AKAP7: variants seen among roughly 807,000 people sequenced by gnomAD.
AKAP7 encodes A kinase (PRKA) anchor protein 7.
A neutral mutation model predicts 39.5 loss-of-function variants in AKAP7; 39 were observed. The observed-to-expected ratio is 0.99, with a 90% CI of 0.76 to 1.29. AKAP7 has a LOEUF of 1.29. Ranked by LOEUF, AKAP7 falls within the 50% of genes most tolerant of loss-of-function variation. The pLI is 0.00. For synonymous variants in AKAP7, 140 were observed against 139.1 expected (o/e 1.01, Z -0.05); for missense variants, 414 against 407.7 (o/e 1.02, Z -0.13).
At chr6:131,198,889 TAC>T (rs1807232618) in intron 5 of AKAP7, among the ~76,000 whole-genome samples, 2 of 152,096 alleles carry the variant, frequency 1.3e-5, no homozygotes, top group South Asian at 4.1e-4. Flanking sequence ...ATTTTCTTGG[TAC>T]AAGTCTTACT....
At chr6:131,164,123 A>C (rs1273905245) in intron 3 of AKAP7, among the ~76,000 whole-genome samples, 1 of 152,304 alleles carries the variant, frequency 6.6e-6, no homozygotes, top group Non-Finnish European at 1.5e-5. Context: ...TGCTATGCTC[A>C]TGAGTCAGTT....
At chr6:131,276,696 C>A (rs986387726) in intron 7 of AKAP7, among the ~76,000 whole-genome samples, 2 of 152,110 alleles carry the variant, frequency 1.3e-5, no homozygotes, top group African/African-American at 4.8e-5. Flanking sequence ...CAAGTGAGAA[C>A]TTTTAATGTT....
At chr6:131,131,731 T>A (rs184084599), upstream of AKAP7, among the ~76,000 whole-genome samples, 5 of 152,098 alleles carry the variant, frequency 3.3e-5, no homozygotes, top group African/African-American at 1.2e-4. Context: ...AGCCCTCAGG[T>A]GGAGTACCTA....
chr6:131,181,712 T>C (rs934157624), intron 5 of AKAP7, among the ~76,000 whole-genome samples: 1 of 152,196 alleles, frequency 6.6e-6, no homozygotes, highest in Non-Finnish European at 1.5e-5. Flanking sequence ...CTGAACTACT[T>C]AGAGGTCCCC....
intron 7 of AKAP7, among the ~76,000 whole-genome samples, chr6:131,235,717 G>A (rs1216940604): frequency 2.0e-5 from 3 of 152,206 alleles, no homozygotes; most frequent in Non-Finnish European, 4.4e-5. Context: ...CTTTTGAGAA[G>A]TGCCTGTTCA....
At chr6:131,156,846 C>A (rs1480169455) in intron 2 of AKAP7, among the ~76,000 whole-genome samples, 1 of 151,728 alleles carries the variant, frequency 6.6e-6, no homozygotes, top group Non-Finnish European at 1.5e-5. Context: ...GCAATTTCGG[C>A]TCCCTGCAAG....
At position 131,149,401 on chromosome 6, in the gene AKAP7, G is replaced by A. The variant is rs563991269; in HGVS notation, c.151+3985G>A. Among the ~76,000 whole-genome samples the A allele has an allele frequency of 2.0e-4, 31 of 152,338 alleles. 1 individual carries two copies. Among genetic ancestry groups the A allele is most frequent in the Admixed American group, 2.0e-3 (31 of 15,296 alleles). On this transcript the variant is annotated intron_variant, in intron 2 of 7. Coordinates refer to ENST00000431975, the MANE Select transcript of AKAP7 (RefSeq NM_016377.4). ...TGTAATCCCAGCACTTCGGGAGGCC[G>A]AGTTGGGCGGATCTTTTGAGGTCAG...
At chr6:131,270,152 C>T (rs1489404830) in intron 7 of AKAP7, among the ~76,000 whole-genome samples, 2 of 152,148 alleles carry the variant, frequency 1.3e-5, no homozygotes, top group African/African-American at 4.8e-5. Flanking sequence ...TTGTAATCAG[C>T]ACAGAGTCAT....
At position 131,241,615 on chromosome 6, in the gene AKAP7, G is replaced by GTATATACGTATATATA. The variant is rs1461603235; in HGVS notation, c.850+21808_850+21809insATATACGTATATATAT. On this transcript the variant is annotated intron_variant, in intron 7 of 7. Coordinates refer to ENST00000431975, the MANE Select transcript of AKAP7 (RefSeq NM_016377.4). ...TGTGTGTGTGTGTGTGTGTGTGTGTGTGTGTGTGTGTGTATATATATATGA... is the reference window on the plus strand; with the variant it reads ...TGTGTGTGTGTGTGTGTGTGTGTGTGTATATACGTATATATATGTGTGTGTGTGTATATATATATGA... Among the ~76,000 whole-genome samples, 167 of 101,406 alleles carry GTATATACGTATATATA rather than the reference G, an allele frequency of 1.6e-3. 1 individual carries two copies. The highest frequency in any genetic ancestry group is 5.5e-3 in the African/African-American group (156 of 28,328). The allele number at this position is 101,406 out of a possible 152,430, so 66.5% of individuals were successfully genotyped here.
chr6:131,137,031 G>A (rs551203524), intron 1 of AKAP7, among the ~76,000 whole-genome samples: 1 of 152,300 alleles, frequency 6.6e-6, no homozygotes, highest in South Asian at 2.1e-4. Context: ...GCGCGATCAT[G>A]GCTCACTGCA....
In AKAP7 at chr6:131,160,133, AG is replaced by A; in HGVS notation, c.228del (p.Lys79ArgfsTer21). On this transcript the variant is annotated frameshift_variant, in exon 3 of 8. Coordinates refer to ENST00000431975, the MANE Select transcript of AKAP7 (RefSeq NM_016377.4). LOFTEE classifies it high-confidence loss of function. ...EWVKSDQVKKRKKKRKDYQPN... is the reference protein window; with the variant it reads ...EWVKSDQVKKXKKKRKDYQPN... Reference sequence around the variant, plus strand: ...GGTCAAGAGTGATCAAGTAAAGAAGAGGAAAAAAAAGAGAAAAGATTATCAA... The same window carrying A: ...GGTCAAGAGTGATCAAGTAAAGAAGAGAAAAAAAAGAGAAAAGATTATCAA... 6.2e-7 allele frequency: 1 copy of A among 1,612,024 alleles called. No homozygotes were observed. The highest frequency in any genetic ancestry group is 8.5e-7 in the Non-Finnish European group (1 of 1,179,392).
Position 131,137,170 on chromosome 6 carries a change from G to T in AKAP7, c.19+1388G>T, listed in dbSNP as rs974781793. On this transcript the variant is annotated intron_variant, in intron 1 of 7. Transcript: ENST00000431975. ...TTTTGTAGAGACGGGGTCTTGCCAT[G>T]TCACCAAGGCTTGAACTCCTGGGCT... Among the ~76,000 whole-genome samples the T allele has an allele frequency of 4.6e-5, 7 of 151,644 alleles. No homozygotes were observed. In the East Asian group the frequency reaches 1.4e-3, roughly 29 times the overall value.
chr6:131,170,035 TTCTC>T (rs1161478156), intron 5 of AKAP7, among the ~76,000 whole-genome samples: 3 of 151,260 alleles, frequency 2.0e-5, no homozygotes, highest in South Asian at 4.2e-4. Flanking sequence ...GTATCTACGT[TTCTC>T]TCTCTATCTC....
At chr6:131,233,313 A>G (rs1031287698) in intron 7 of AKAP7, among the ~76,000 whole-genome samples, 10 of 152,184 alleles carry the variant, frequency 6.6e-5, no homozygotes, top group African/African-American at 2.2e-4. Context: ...AAGTTCCTAC[A>G]ATCAGGCAGA....
chr6:131,237,699 G>A (rs1161524215), intron 7 of AKAP7, among the ~76,000 whole-genome samples: 1 of 152,198 alleles, frequency 6.6e-6, no homozygotes, highest in Non-Finnish European at 1.5e-5. Flanking sequence ...GCCTAGAGGT[G>A]TTTATAGTAT....
intron 7 of AKAP7, chr6:131,250,412 T>C (rs1812347584): frequency 1.4e-6 from 2 of 1,453,630 alleles, no homozygotes; most frequent in East Asian, 4.8e-5. Flanking sequence ...CTCCTTTCTC[T>C]CCCCCGGCGG....
chr6:131,147,480 G>C (rs796896772), intron 2 of AKAP7, among the ~76,000 whole-genome samples: 23 of 152,342 alleles, frequency 1.5e-4, no homozygotes, highest in African/African-American at 4.3e-4. Context: ...AACCATGTTT[G>C]TGAGTTTCAC....
intron 1 of AKAP7, among the ~76,000 whole-genome samples, chr6:131,143,230 G>A (rs1801194111): frequency 6.6e-6 from 1 of 152,090 alleles, no homozygotes; most frequent in Non-Finnish European, 1.5e-5. Context: ...AATGATAATA[G>A]TTTTTATGTT....
intron 7 of AKAP7, among the ~76,000 whole-genome samples, chr6:131,259,168 C>G (rs1813106266): frequency 6.6e-6 from 1 of 152,198 alleles, no homozygotes; most frequent in African/African-American, 2.4e-5. Context: ...AAATATAATT[C>G]ACACTTTCTA....
Sources: allele counts gnomAD v4.1 joint callset (sites outside exome capture counted in the v4.1 genomes callset), GRCh38; gene constraint gnomAD v4.1.1; transcripts MANE v1.5; gene names NCBI Gene and HGNC (gene_info 2026-07-23, HGNC 2026-07-21).